CHD2: variants seen among roughly 807,000 people sequenced by gnomAD.
The protein encoded by CHD2 is ATP-dependent chromatin remodeler CHD2.
In CHD2, 28 loss-of-function variants were observed where a neutral mutation model predicts 243.9. The observed-to-expected ratio is 0.11, with a 90% CI of 0.09 to 0.16. The LOEUF is 0.16. Ranked by LOEUF, CHD2 falls within the 10% of genes least tolerant of loss-of-function variation. The pLI is 1.00. For missense variants in CHD2, 1,386 were observed against 2,209.8 expected (o/e 0.63, Z 7.47); for synonymous variants, 775 against 779.0 (o/e 0.99, Z 0.09).
intron 2 of CHD2, chr15:92,902,117 A>C (rs1461656041): frequency 2.5e-6 from 1 of 397,674 alleles, no homozygotes; most frequent in Non-Finnish European, 4.4e-6. Context: ...TGGTAGATGT[A>C]TTTTATCCTC....
intron 4 of CHD2, among the ~76,000 whole-genome samples, chr15:92,928,007 A>G (rs761869699): frequency 2.6e-5 from 4 of 152,180 alleles, no homozygotes; most frequent in Non-Finnish European, 4.4e-5. Context: ...TAGATCCTGA[A>G]GAGAGATTCT....
rs551487740 is a variant in CHD2 at position 92,955,853 on chromosome 15, T to C, written c.1809+341T>C. On this transcript the variant is annotated intron_variant, in intron 15 of 38. Coordinates refer to ENST00000394196, the MANE Select transcript of CHD2 (RefSeq NM_001271.4). ...AGGTCAGTAACTTACCTGAGATTAT[T>C]GTCAGTCATTGGATGCCATCTCAGG... Among the ~76,000 whole-genome samples, 4 of 152,348 alleles carry C rather than the reference T, an allele frequency of 2.6e-5. No individual in the cohort carries two copies. The East Asian group carries it at 7.7e-4, about 29-fold the overall frequency.
intron 6 of CHD2, 66 bp downstream of exon 6, chr15:92,937,691 T>A: frequency 2.5e-6 from 3 of 1,201,990 alleles, no homozygotes; most frequent in Non-Finnish European, 1.2e-6. Context: ...GGAAGGATAA[T>A]GTCGTGCTGA....
intron 4 of CHD2, 141 bp from the exon 5 acceptor site, chr15:92,928,889 C>T: frequency 1.6e-6 from 1 of 615,046 alleles, no homozygotes; most frequent in East Asian, 3.0e-5. Context: ...TTCCACCAAG[C>T]AAGTGCTTAG....
At chr15:93,013,231 G>C (rs1355061074) in intron 36 of CHD2, among the ~76,000 whole-genome samples, 1 of 152,178 alleles carries the variant, frequency 6.6e-6, no homozygotes, top group African/African-American at 2.4e-5. Context: ...TTACATGGAA[G>C]AATATGTTAT....
At chr15:92,939,794 C>G in intron 7 of CHD2, 76 bp downstream of exon 7, 1 of 1,470,504 alleles carries the variant, frequency 6.8e-7, no homozygotes, top group Non-Finnish European at 9.2e-7. Flanking sequence ...CTCATAAGTC[C>G]GGGGTTGTGC....
intron 7 of CHD2, among the ~76,000 whole-genome samples, chr15:92,940,846 A>G (rs1284378582): frequency 6.6e-5 from 7 of 106,478 alleles, no homozygotes; most frequent in Admixed American, 2.1e-4. Context: ...ATAAAAATAT[A>G]TATAAATATA....
chr15:92,958,474 G>A (rs1313278739), intron 16 of CHD2, among the ~76,000 whole-genome samples: 2 of 152,046 alleles, frequency 1.3e-5, no homozygotes, highest in Non-Finnish European at 2.9e-5. Flanking sequence ...AAGCATGTGG[G>A]AATTATTTAT....
intron 37 of CHD2, among the ~76,000 whole-genome samples, 198 bp from the exon 38 acceptor site, chr15:93,019,814 G>A (rs527940070): frequency 5.3e-4 from 80 of 151,970 alleles, no homozygotes; most frequent in Non-Finnish European, 9.0e-4. Flanking sequence ...GGTGCCTGTA[G>A]TCCCATCTAC....
At chr15:93,004,793 G>A in intron 34 of CHD2, 42 bp downstream of exon 34, 13 of 1,594,174 alleles carry the variant, frequency 8.2e-6, no homozygotes, top group Non-Finnish European at 1.1e-5. Flanking sequence ...TGCAGCCGCG[G>A]TACTTGCTGT....
At chr15:92,909,382 G>A (rs2052685577) in intron 2 of CHD2, among the ~76,000 whole-genome samples, 1 of 152,164 alleles carries the variant, frequency 6.6e-6, no homozygotes, top group South Asian at 2.1e-4. Context: ...AAATACAAAA[G>A]AATGTGGTAA....
chr15:92,982,775 A>G (rs1238204901), intron 24 of CHD2, among the ~76,000 whole-genome samples: 1 of 152,190 alleles, frequency 6.6e-6, no homozygotes, highest in African/African-American at 2.4e-5. Flanking sequence ...ATGGAAGAAC[A>G]AGGATGGAAT....
chr15:92,972,156 G>A, intron 18 of CHD2, 109 bp from the exon 19 acceptor site: 1 of 1,253,204 alleles, frequency 8.0e-7, no homozygotes, highest in Non-Finnish European at 1.1e-6. Flanking sequence ...AGGTTGCTAA[G>A]GGCTTCAGAA....
At chr15:92,924,211 A>G (rs1193626567) in intron 2 of CHD2, 110 bp from the exon 3 acceptor site, 2 of 862,634 alleles carry the variant, frequency 2.3e-6, no homozygotes, top group Non-Finnish European at 3.6e-6. Flanking sequence ...TTTTGGTCTT[A>G]TATTACTAAA....
intron 37 of CHD2, among the ~76,000 whole-genome samples, chr15:93,015,874 T>TGGA (rs1361545244): frequency 6.6e-6 from 1 of 152,096 alleles, no homozygotes; most frequent in Non-Finnish European, 1.5e-5. Context: ...GCCAAGGATG[T>TGGA]GGAGGAAAGG....
chr15:92,961,084 G>A (rs1429986529), intron 16 of CHD2, among the ~76,000 whole-genome samples: 1 of 152,060 alleles, frequency 6.6e-6, no homozygotes, highest in Non-Finnish European at 1.5e-5. Flanking sequence ...TTGTTTTGAT[G>A]TTTACGTTGC....
intron 6 of CHD2, among the ~76,000 whole-genome samples, chr15:92,939,348 A>G (rs1258747427): frequency 6.6e-6 from 1 of 152,150 alleles, no homozygotes; most frequent in East Asian, 1.9e-4. Context: ...GTTCTTTCCC[A>G]TAAATGATTG....
intron 14 of CHD2, chr15:92,953,792 G>C (rs930953128): frequency 1.1e-5 from 6 of 536,194 alleles, no homozygotes; most frequent in Non-Finnish European, 1.3e-5. Context: ...TATGTGAGTG[G>C]GAATCTCTTT....
intron 26 of CHD2, among the ~76,000 whole-genome samples, chr15:92,988,679 A>T (rs1251321037): frequency 6.6e-6 from 1 of 152,214 alleles, no homozygotes; most frequent in South Asian, 2.1e-4. Flanking sequence ...CACGTGGGAT[A>T]ATCTCAATTG....
Sources: gnomAD v4.1 joint callset for allele counts (sites outside exome capture counted in the v4.1 genomes callset) on GRCh38, gnomAD v4.1.1 for gene constraint, MANE v1.5 for transcripts, NCBI Gene and HGNC (gene_info 2026-07-23, HGNC 2026-07-21) for gene names.